RAB8A: variants seen among roughly 807,000 people sequenced by gnomAD.
The protein encoded by RAB8A is ras-related protein Rab-8A.
In RAB8A, 5 loss-of-function variants were observed where a neutral mutation model predicts 29.2. The ratio of observed to expected loss-of-function variants is 0.17; its 90% CI spans 0.09 to 0.36. The LOEUF (loss-of-function observed/expected upper bound fraction) is 0.36, where lower values mean the gene tolerates loss of function less well. RAB8A is among the 10% of genes least tolerant of loss of function. The probability of loss-of-function intolerance (pLI) is 1.00; values close to 1 mark genes in which losing one functional copy is unlikely to be tolerated. For missense variants in RAB8A, 171 were observed against 272.2 expected (o/e 0.63, Z 2.62); for synonymous variants, 108 against 99.9 (o/e 1.08, Z -0.49).
rs1260237351 is a variant in RAB8A at position 16,133,965 on chromosome 19, C to T, written c.*1661C>T. On this transcript the variant is annotated 3_prime_UTR_variant, in exon 8 of 8. Transcript: ENST00000300935. Reference sequence around the variant, plus strand: ...CACTGTGTCCCTCCTGCCTCCCTGGCAGGTCCTTCTAGGGGCCCTCTCCTG... The same window carrying T: ...CACTGTGTCCCTCCTGCCTCCCTGGTAGGTCCTTCTAGGGGCCCTCTCCTG... 1 of 152,402 alleles carries T rather than the reference C, an allele frequency of 6.6e-6. No individual in the cohort carries two copies. The highest frequency in any genetic ancestry group is 2.1e-4 in the South Asian group (1 of 4,830). The allele number at this position is 152,402 out of a possible 1,614,324, so 9.4% of individuals were successfully genotyped here. A position where few individuals can be genotyped will look rare whatever the true frequency, so the allele number is the denominator to read the frequency against.
intron 7 of RAB8A, among the ~76,000 whole-genome samples, chr19:16,129,893 A>G (rs770334981): frequency 1.3e-5 from 2 of 152,128 alleles, no homozygotes; most frequent in African/African-American, 2.4e-5. Context: ...GAAAGACAAC[A>G]TGGTGTGCAA....
intron 6 of RAB8A, 90 bp downstream of exon 6, chr19:16,128,181 T>C (rs1275543986): frequency 1.4e-6 from 2 of 1,395,868 alleles, no homozygotes; most frequent in East Asian, 4.8e-5. Context: ...GAGGAGGTCC[T>C]GCCAGACGGA....
rs1380876949 is a variant in RAB8A at position 16,128,090 on chromosome 19, A to G, written c.479A>G (p.Asn160Ser). Residue 160 changes from asparagine (N) to serine (S), a missense_variant and splice_region_variant, in exon 6 of 8, where the codon AAT becomes AGT. Physicochemically the swap from Asn to Ser is conservative, Grantham distance 46 (BLOSUM62 1). Transcript: ENST00000300935. Reference sequence around the variant, plus strand: ...GCGAAGGCCAACATCAATGTGGAAAATGTGAGTCCCGGGCCCTGCTGGGAG... The same window carrying G: ...GCGAAGGCCAACATCAATGTGGAAAGTGTGAGTCCCGGGCCCTGCTGGGAG... ...TSAKANINVE[N>S]AFFTLARDIK... 2 of 1,614,024 alleles carry G rather than the reference A, an allele frequency of 1.2e-6. No homozygotes were observed. The highest frequency in any genetic ancestry group is 1.1e-5 in the South Asian group (1 of 91,086).
At chr19:16,131,671 G>T (rs2090924930) in intron 7 of RAB8A, among the ~76,000 whole-genome samples, 1 of 151,836 alleles carries the variant, frequency 6.6e-6, no homozygotes, top group Non-Finnish European at 1.5e-5. Flanking sequence ...TGGTTGGTTG[G>T]TTGGAAGGGG....
intron 3 of RAB8A, chr19:16,124,991 G>GTGGTCGCC: frequency 7.6e-5 from 16 of 210,348 alleles, no homozygotes; most frequent in South Asian, 3.8e-4. Flanking sequence ...GTGGATGTCG[G>GTGGTCGCC]GTCAGGACTT....
intron 1 of RAB8A, chr19:16,112,463 C>A: frequency 5.5e-6 from 1 of 181,808 alleles, no homozygotes; most frequent in Non-Finnish European, 1.2e-5. Flanking sequence ...GCTTCACGTG[C>A]ATTTTCACAC....
Position 16,127,398 on chromosome 19 carries a change from C to T in RAB8A, c.325-39C>T. On this transcript the variant is annotated intron_variant, in intron 4 of 7. Transcript: ENST00000300935. The surrounding 1 kb of genome is among the most constrained non-coding windows in gnomAD (Gnocchi z 4.8). The stretch of plus-strand genomic sequence containing the variant: ...GTTGGCAGAGGCACCTGGCCTGTGT[C>T]ATCCGGTCTGATCCCCCGTCTGTCC... 1 of 1,365,400 alleles carries T rather than the reference C, an allele frequency of 7.3e-7. No individual in the cohort carries two copies. Among genetic ancestry groups the T allele is most frequent in the Non-Finnish European group, 9.7e-7 (1 of 1,029,476 alleles). The allele number at this position is 1,365,400 out of a possible 1,614,324, so 84.6% of individuals were successfully genotyped here.
intron 1 of RAB8A, among the ~76,000 whole-genome samples, chr19:16,115,640 G>T (rs908989473): frequency 2.6e-5 from 4 of 152,250 alleles, no homozygotes; most frequent in African/African-American, 9.6e-5. Flanking sequence ...TATTTTGCCA[G>T]TGTCTTCTGT....
Position 16,132,259 on chromosome 19 carries a change from G to C in RAB8A, c.579G>C (p.Pro193=). 1 of 1,614,104 alleles carries C rather than the reference G, an allele frequency of 6.2e-7. No homozygotes were observed. The highest frequency in any genetic ancestry group is 1.7e-4 in the Middle Eastern group (1 of 6,058). ...QGSNQGVKIT[P]DQQKRSSFFR... is the part of the protein sequence containing the mutation. Reference sequence around the variant, plus strand: ...GCAACCAGGGAGTCAAAATCACACCGGACCAGCAGAAGAGGAGCAGCTTTT... The same window carrying C: ...GCAACCAGGGAGTCAAAATCACACCCGACCAGCAGAAGAGGAGCAGCTTTT... Residue 193 remains proline (P), a synonymous_variant, in exon 8 of 8, where the codon CCG becomes CCC. Transcript: ENST00000300935. This position sits in a 1 kb window ranked among gnomAD's most constrained non-coding sequence, Gnocchi z 5.6.
In RAB8A at chr19:16,132,262, C is replaced by G. The variant is rs374922067; in HGVS notation, c.582C>G (p.Asp194Glu). The change falls in exon 8 of 8, where the codon GAC (aspartate) becomes GAG (glutamate). Residue 194 changes from aspartate (D) to glutamate (E), a missense_variant. Around this residue, in one of 3 missense-constraint regions of RAB8A, gnomAD observed 145 missense variants for 212.8 expected, o/e 0.68. Transcript: ENST00000300935. The surrounding 1 kb of genome is among the most constrained non-coding windows in gnomAD (Gnocchi z 5.6). ...GSNQGVKITP[D>E]QQKRSSFFRC... Reference sequence around the variant, plus strand: ...ACCAGGGAGTCAAAATCACACCGGACCAGCAGAAGAGGAGCAGCTTTTTCC... The same window carrying G: ...ACCAGGGAGTCAAAATCACACCGGAGCAGCAGAAGAGGAGCAGCTTTTTCC... 4 of 1,614,112 alleles carry G rather than the reference C, an allele frequency of 2.5e-6. No homozygotes were observed. The highest frequency in any genetic ancestry group is 8.5e-7 in the Non-Finnish European group (1 of 1,180,040).
rs775898055 is a variant in RAB8A, at chr19:16,127,546, G to A, written c.414+20G>A. 6.7e-7 allele frequency: 1 copy of A among 1,487,954 alleles called. No homozygotes were observed. 92.2% of individuals were successfully genotyped at this position (1,487,954 alleles called of 1,614,324 possible). A position where few individuals can be genotyped will look rare whatever the true frequency, so the allele number is the denominator to read the frequency against. On this transcript the variant is annotated intron_variant, in intron 5 of 7. Transcript: ENST00000300935. The surrounding 1 kb of genome is among the most constrained non-coding windows in gnomAD (Gnocchi z 4.8). ...GAAAAGGTGGGCATGGTGGCACAAG[G>A]GGCAGAGGGCCTCGGGGTCTTGGGG...
intron 1 of RAB8A, 151 bp from the exon 2 acceptor site, chr19:16,118,075 T>C (rs2090854717): frequency 1.5e-6 from 1 of 656,846 alleles, no homozygotes; most frequent in Non-Finnish European, 2.7e-6. Flanking sequence ...TGTTTCCAGA[T>C]CTGGATATTC....
At chr19:16,130,041 G>C (rs1023753593) in intron 7 of RAB8A, among the ~76,000 whole-genome samples, 2 of 152,146 alleles carry the variant, frequency 1.3e-5, no homozygotes, top group African/African-American at 4.8e-5. Context: ...CCCAGCCCCA[G>C]ATGCTACAAG....
intron 2 of RAB8A, among the ~76,000 whole-genome samples, chr19:16,121,506 G>A (rs1360465864): frequency 6.6e-6 from 1 of 152,194 alleles, no homozygotes; most frequent in African/African-American, 2.4e-5. Context: ...CAAAGGTGCA[G>A]AAGAGGAGAA....
At chr19:16,120,713 C>T (rs1174533034) in intron 2 of RAB8A, among the ~76,000 whole-genome samples, 1 of 151,320 alleles carries the variant, frequency 6.6e-6, no homozygotes, top group East Asian at 1.9e-4. Context: ...CAGGTTCAAG[C>T]GATTGTTGTG....
In RAB8A at chr19:16,127,700, C is replaced by T; in HGVS notation, c.414+174C>T. ...CCAGCCGGGGCTTCTTGGGTGCACT[C>T]TGCGGGCATCTCATCAAAACCTACC... On this transcript the variant is annotated intron_variant, in intron 5 of 7. Coordinates refer to ENST00000300935, the MANE Select transcript of RAB8A (RefSeq NM_005370.5). This position sits in a 1 kb window ranked among gnomAD's most constrained non-coding sequence, Gnocchi z 4.8. The T allele has an allele frequency of 1.6e-6, 1 of 611,556 alleles. No individual in the cohort carries two copies. The highest frequency in any genetic ancestry group is 2.9e-6 in the Non-Finnish European group (1 of 349,434). 37.9% of individuals were successfully genotyped at this position (611,556 alleles called of 1,614,324 possible).
chr19:16,130,832 C>CTTTTTCT (rs1568322607), intron 7 of RAB8A, among the ~76,000 whole-genome samples: 2 of 150,384 alleles, frequency 1.3e-5, no homozygotes, highest in South Asian at 2.1e-4. Flanking sequence ...TTTTCTTTTT[C>CTTTTTCT]TTTTTTTTTG....
intron 1 of RAB8A, among the ~76,000 whole-genome samples, chr19:16,117,343 G>A (rs2090850536): frequency 6.6e-6 from 1 of 152,026 alleles, no homozygotes; most frequent in Admixed American, 6.6e-5. Flanking sequence ...TCAAAAATTG[G>A]CCGGGCATTG....
chr19:16,120,403 C>T (rs539090891), intron 2 of RAB8A, among the ~76,000 whole-genome samples: 1 of 150,174 alleles, frequency 6.7e-6, no homozygotes, highest in South Asian at 2.1e-4. Flanking sequence ...ACCTCCACTT[C>T]CTTGGTTCAA....
Sources: gnomAD v4.1 joint callset for allele counts (sites outside exome capture counted in the v4.1 genomes callset) on GRCh38, gnomAD v4.1.1 for gene constraint, gnomAD v4.1.1 regional missense constraint, Gnocchi (gnomAD v3.1) non-coding constraint, MANE v1.5 for transcripts, NCBI Gene and HGNC (gene_info 2026-07-23, HGNC 2026-07-21) for gene names.